Variants in CTNNA3 observed in about 807,000 individuals in gnomAD.
The protein encoded by CTNNA3 is catenin alpha-3.
In CTNNA3, 76 loss-of-function variants were observed where a neutral mutation model predicts 95.7. The observed-to-expected ratio is 0.79, with a 90% CI of 0.66 to 0.96. The LOEUF is 0.96. CTNNA3 is among the 40% of genes least tolerant of loss of function. CTNNA3 has a pLI of 0.00. For synonymous variants in CTNNA3, 431 were observed against 374.4 expected (o/e 1.15, Z -1.74); for missense variants, 1,191 against 1,089.8 (o/e 1.09, Z -1.31).
chr10:66,227,587 A>G (rs2089374591), intron 13 of CTNNA3, among the ~76,000 whole-genome samples: 1 of 152,060 alleles, frequency 6.6e-6, no homozygotes, highest in Non-Finnish European at 1.5e-5. Flanking sequence ...TTTTTTGTTG[A>G]GGATATTTGC....
chr10:67,635,989 G>A (rs547103637), intron 2 of CTNNA3, among the ~76,000 whole-genome samples: 22 of 152,086 alleles, frequency 1.4e-4, no homozygotes, highest in Non-Finnish European at 1.0e-4. Flanking sequence ...TAAAATCACC[G>A]TGCAAAAATT....
At chr10:67,760,966 G>A (rs746564833) in intron 1 of CTNNA3, among the ~76,000 whole-genome samples, 2 of 152,164 alleles carry the variant, frequency 1.3e-5, no homozygotes, top group Non-Finnish European at 2.9e-5. Flanking sequence ...CACAATAAAT[G>A]TAATGTGCTT....
intron 13 of CTNNA3, among the ~76,000 whole-genome samples, chr10:66,155,374 C>A (rs1413568768): frequency 6.6e-6 from 1 of 151,806 alleles, no homozygotes; most frequent in African/African-American, 2.4e-5. Context: ...AAATCAGTAT[C>A]TGTGTTATAC....
chr10:66,438,956 G>T (rs1274862112), intron 11 of CTNNA3, among the ~76,000 whole-genome samples: 1 of 152,066 alleles, frequency 6.6e-6, no homozygotes, highest in Non-Finnish European at 1.5e-5. Flanking sequence ...GGAGTTACCT[G>T]ACCCCTTACA....
chr10:67,128,320 T>C (rs768006497), intron 7 of CTNNA3, among the ~76,000 whole-genome samples: 30 of 152,188 alleles, frequency 2.0e-4, no homozygotes, highest in Non-Finnish European at 1.6e-4. Flanking sequence ...AAAGGATGTA[T>C]GGTTTTTCTA....
intron 15 of CTNNA3, among the ~76,000 whole-genome samples, chr10:66,060,715 C>T (rs541411186): frequency 3.9e-5 from 6 of 152,178 alleles, no homozygotes; most frequent in African/African-American, 1.4e-4. Flanking sequence ...TGAATATCTA[C>T]CCCCACCTCA....
chr10:66,800,872 G>T (rs1841402446), intron 7 of CTNNA3, among the ~76,000 whole-genome samples: 1 of 151,042 alleles, frequency 6.6e-6, no homozygotes, highest in Non-Finnish European at 1.5e-5. Flanking sequence ...GCCTATTCAA[G>T]AAAACTTGAC....
intron 15 of CTNNA3, among the ~76,000 whole-genome samples, chr10:66,053,586 C>T (rs746377157): frequency 9.9e-5 from 15 of 151,816 alleles, no homozygotes; most frequent in Non-Finnish European, 1.8e-4. Flanking sequence ...AGGTCTTATT[C>T]ATTCTTTCTA....
intron 13 of CTNNA3, among the ~76,000 whole-genome samples, chr10:66,270,809 T>C (rs1359049067): frequency 6.6e-6 from 1 of 152,044 alleles, no homozygotes; most frequent in African/African-American, 2.4e-5. Context: ...GCACAGTAAG[T>C]GGACAGATGC....
intron 12 of CTNNA3, among the ~76,000 whole-genome samples, chr10:66,329,155 C>T (rs543240053): frequency 3.3e-5 from 5 of 151,276 alleles, no homozygotes; most frequent in South Asian, 2.1e-4. Context: ...TTCACCATAT[C>T]GGCCAGGCTG....
intron 12 of CTNNA3, among the ~76,000 whole-genome samples, chr10:66,350,432 T>C (rs1316087760): frequency 1.3e-5 from 2 of 152,112 alleles, no homozygotes; most frequent in Non-Finnish European, 2.9e-5. Context: ...ATATGTTCTT[T>C]TCCCAATCAA....
intron 7 of CTNNA3, among the ~76,000 whole-genome samples, chr10:66,903,230 A>G (rs1281029297): frequency 6.6e-6 from 1 of 152,186 alleles, no homozygotes; most frequent in Non-Finnish European, 1.5e-5. Context: ...AACATACACA[A>G]ATCAGTAAAC....
chr10:66,513,490 C>T (rs1340519520), intron 11 of CTNNA3, among the ~76,000 whole-genome samples: 1 of 152,176 alleles, frequency 6.6e-6, no homozygotes, highest in Non-Finnish European at 1.5e-5. Context: ...CTGGGGAGTG[C>T]ACACGCACCT....
intron 3 of CTNNA3, among the ~76,000 whole-genome samples, chr10:67,580,860 G>C (rs1219571918): frequency 6.6e-6 from 1 of 152,048 alleles, no homozygotes; most frequent in Non-Finnish European, 1.5e-5. Context: ...CTCTCTGTTT[G>C]TCTGTTATTG....
chr10:66,919,214 T>G (rs575059885), intron 7 of CTNNA3, among the ~76,000 whole-genome samples: 1 of 151,856 alleles, frequency 6.6e-6, no homozygotes, highest in Admixed American at 6.6e-5. Flanking sequence ...ATTGCACTTA[T>G]GTGGGAAGAG....
intron 7 of CTNNA3, among the ~76,000 whole-genome samples, chr10:67,027,725 G>A (rs566574728): frequency 8.5e-5 from 13 of 152,082 alleles, no homozygotes; most frequent in South Asian, 2.1e-4. Context: ...CACCGTGCCC[G>A]GCTGACATTT....
intron 7 of CTNNA3, among the ~76,000 whole-genome samples, chr10:67,065,825 C>A (rs73256456): frequency 0.11 from 16,020 of 151,992 alleles, 1,092 homozygotes; most frequent in South Asian, 0.2. Context: ...TATGCTAAAC[C>A]AGTGAGATTT....
chr10:66,126,016 G>GCTAGGATCCTAGGAAAGAATGCA, intron 13 of CTNNA3, among the ~76,000 whole-genome samples: 1 of 152,124 alleles, frequency 6.6e-6, no homozygotes, highest in Non-Finnish European at 1.5e-5. Flanking sequence ...ATTTAGGAGG[G>GCTAGGATCCTAGGAAAGAATGCA]CTAGGATCCT....
chr10:66,352,545 A>G (rs780353321), intron 12 of CTNNA3, among the ~76,000 whole-genome samples: 1 of 152,084 alleles, frequency 6.6e-6, no homozygotes, highest in African/African-American at 2.4e-5. Flanking sequence ...GAACTCAGCT[A>G]AACCCATCTA....
Sources: allele counts gnomAD v4.1 joint callset (sites outside exome capture counted in the v4.1 genomes callset), GRCh38; gene constraint gnomAD v4.1.1; transcripts MANE v1.5; gene names NCBI Gene and HGNC (gene_info 2026-07-23, HGNC 2026-07-21).